SEC16A: variants seen among roughly 807,000 people sequenced by gnomAD.
The protein encoded by SEC16A is SEC16 homolog A, endoplasmic reticulum export factor.
In SEC16A, 110 loss-of-function variants were observed where a neutral mutation model predicts 221.9. The ratio of observed to expected loss-of-function variants is 0.50; its 90% CI spans 0.42 to 0.58. SEC16A has a LOEUF of 0.58. SEC16A is among the 20% of genes least tolerant of loss of function. The pLI is 0.00. For synonymous variants in SEC16A, 1,393 were observed against 1,257.7 expected (o/e 1.11, Z -2.28); for missense variants, 3,165 against 3,097.8 (o/e 1.02, Z -0.52).
chr9:136,454,608 C>T (rs1201946484), intron 20 of SEC16A, among the ~76,000 whole-genome samples: 7 of 152,162 alleles, frequency 4.6e-5, no homozygotes, highest in South Asian at 2.1e-4. Flanking sequence ...AAGCCCATGG[C>T]GGCCGCCTGG....
chr9:136,443,074 G>A (rs1211993681), intron 31 of SEC16A, among the ~76,000 whole-genome samples: 2 of 152,216 alleles, frequency 1.3e-5, no homozygotes, highest in Admixed American at 6.5e-5. Context: ...GATCACGCTC[G>A]GCTCAGAGAC....
intron 3 of SEC16A, among the ~76,000 whole-genome samples, chr9:136,472,326 C>G (rs1840988578): frequency 6.6e-6 from 1 of 152,248 alleles, no homozygotes; most frequent in Non-Finnish European, 1.5e-5. Context: ...ACCACACAGA[C>G]CTCCAAAGCA....
intron 8 of SEC16A, among the ~76,000 whole-genome samples, chr9:136,465,464 A>C (rs10870068): frequency 0.11 from 17,116 of 152,304 alleles, 1,364 homozygotes; most frequent in Admixed American, 0.23. Context: ...AAAACCAAAA[A>C]ACAAACAAAC....
chr9:136,458,508 G>C (rs1839025347), intron 17 of SEC16A, among the ~76,000 whole-genome samples: 2 of 151,912 alleles, frequency 1.3e-5, no homozygotes, highest in Admixed American at 1.3e-4. Flanking sequence ...GGTGCCTGTA[G>C]TCCCAGCTAC....
rs775650449 is a variant in SEC16A, at chr9:136,466,424, C to T, written c.3968G>A (p.Arg1323His). 18 of 1,607,362 alleles carry T rather than the reference C, an allele frequency of 1.1e-5. No individual in the cohort carries two copies. In the East Asian group the frequency reaches 1.8e-4, roughly 16 times the overall value. ...GTCATCGTCAAAACTCCCCGTGAAG[C>T]GAGGATCGTACCTCCAGTTGTTGTC... Reference protein sequence around the residue: ...KRDNNWRYDPRFTGSFDDDPD... With the variant: ...KRDNNWRYDPHFTGSFDDDPD... The change falls in exon 7 of 32, where the codon CGC becomes CAC. Residue 1323 changes from arginine to histidine, a missense_variant. Transcript: ENST00000684901. This position sits in a 1 kb window ranked among gnomAD's most constrained non-coding sequence, Gnocchi z 5.5.
At chr9:136,450,412 C>G (rs898302581) in intron 23 of SEC16A, among the ~76,000 whole-genome samples, 3 of 151,796 alleles carry the variant, frequency 2.0e-5, no homozygotes, top group Non-Finnish European at 2.9e-5. Flanking sequence ...AGCTACGAGG[C>G]AGGAGGATCA....
chr9:136,458,010 G>A (rs1341370251), intron 17 of SEC16A, among the ~76,000 whole-genome samples: 2 of 152,030 alleles, frequency 1.3e-5, no homozygotes, highest in African/African-American at 4.8e-5. Flanking sequence ...AGTCTGGAGT[G>A]CAGTGGCACA....
chr9:136,457,593 A>G lies in SEC16A; in HGVS notation c.5410-9T>C. On this transcript the variant is annotated splice_polypyrimidine_tract_variant and intron_variant, in intron 17 of 31. Coordinates refer to ENST00000684901, the MANE Select transcript of SEC16A (RefSeq NM_014866.2). ...TAGATGAACTTAAACACCTGAAACGACAGAAGCCTTGCTGCCCTGCGGCTC... is the reference window on the plus strand; with the variant it reads ...TAGATGAACTTAAACACCTGAAACGGCAGAAGCCTTGCTGCCCTGCGGCTC... The G allele has an allele frequency of 7.5e-6, 12 of 1,606,138 alleles. No individual in the cohort carries two copies. Among genetic ancestry groups the G allele is most frequent in the Non-Finnish European group, 1.0e-5 (12 of 1,175,230 alleles).
chr9:136,464,438 C>T lies in SEC16A; in HGVS notation c.4428G>A (p.Val1476=), dbSNP rs1839898515. ...NLPSEGQPAL[V]EVHSMEALLQ... Reference sequence around the variant, plus strand: ...CCATTACCTCCATGCTGTGGACCTCCACCAAGGCCGGCTGTCCTTCTGAAG... The same window carrying T: ...CCATTACCTCCATGCTGTGGACCTCTACCAAGGCCGGCTGTCCTTCTGAAG... Residue 1476 remains valine (V), a synonymous_variant, in exon 9 of 32, where the codon GTG becomes GTA. Transcript: ENST00000684901. 1 of 1,611,310 alleles carries T rather than the reference C, an allele frequency of 6.2e-7. No individual in the cohort carries two copies.
chr9:136,470,938 C>A (rs1379503429), intron 4 of SEC16A, among the ~76,000 whole-genome samples: 1 of 152,224 alleles, frequency 6.6e-6, no homozygotes, highest in Non-Finnish European at 1.5e-5. Context: ...CTGGAAGGCG[C>A]AGCCTAGCGC....
In SEC16A at chr9:136,457,351, G is replaced by A. The variant is rs1038748537; in HGVS notation, c.5550+93C>T. 1.8e-5 allele frequency: 25 copies of A among 1,419,572 alleles called. No homozygotes were observed. In the South Asian group the frequency reaches 2.2e-4, roughly 12 times the overall value. 87.9% of individuals were successfully genotyped at this position (1,419,572 alleles called of 1,614,324 possible). ...TGAGCGCCTACCACAATGCGCGTCT[G>A]AACCATCGCTACCCCCATGCCCGGG... is the stretch of plus-strand genomic sequence containing the variant. On this transcript the variant is annotated intron_variant, in intron 18 of 31. Transcript: ENST00000684901.
In SEC16A at chr9:136,441,788, C is replaced by T; in HGVS notation, c.7041G>A (p.Arg2347=). 3 of 1,613,438 alleles carry T rather than the reference C, an allele frequency of 1.9e-6. No individual in the cohort carries two copies. Among genetic ancestry groups the T allele is most frequent in the South Asian group, 2.2e-5 (2 of 91,084 alleles). The change falls in exon 32 of 32, where the codon AGG becomes AGA. Residue 2347 remains arginine (R), a synonymous_variant. Transcript: ENST00000684901. ...GCACCAGGTGCTTCCTCTGGCCAATCCTCCCTAGCCTTGAGCTCCCGGAGG... is the reference window on the plus strand; with the variant it reads ...GCACCAGGTGCTTCCTCTGGCCAATTCTCCCTAGCCTTGAGCTCCCGGAGG... The part of the protein sequence containing the change: ...CATSGSSRLG[R]IGQRKHLVLN
In SEC16A at chr9:136,457,380, T is replaced by C. The variant is rs998836827; in HGVS notation, c.5550+64A>G. 1.3e-5 allele frequency: 20 copies of C among 1,525,934 alleles called. 1 individual carries two copies. Among genetic ancestry groups the C allele is most frequent in the Middle Eastern group, 4.0e-4 (2 of 5,032 alleles). 94.5% of individuals were successfully genotyped at this position (1,525,934 alleles called of 1,614,324 possible). ...CATCGCTACCCCCATGCCCGGGGGC[T>C]CTGGCAAGCCCTCCTTCCCTGCAGT... is the stretch of plus-strand genomic sequence containing the variant. On this transcript the variant is annotated intron_variant, in intron 18 of 31. Transcript: ENST00000684901.
chr9:136,477,348 G>C lies in SEC16A; in HGVS notation c.268C>G (p.Pro90Ala), dbSNP rs1262226671. ...TGTGTGTGAGGAACAAGCAAACCGG[G>C]GTGCTGAGAAAACCCTGCGGGGGCT... ...GPAPAGFSQH[P>A]GLLVPHTHAR... is the part of the protein sequence containing the mutation. The change falls in exon 3 of 32, where the codon CCC (proline) becomes GCC (alanine). Residue 90 changes from proline (P) to alanine (A), a missense_variant. Pro to Ala is a conservative substitution (Grantham distance 27). Coordinates refer to ENST00000684901, the MANE Select transcript of SEC16A (RefSeq NM_014866.2). 1 of 1,613,988 alleles carries C rather than the reference G, an allele frequency of 6.2e-7. No homozygotes were observed. The highest frequency in any genetic ancestry group is 8.5e-7 in the Non-Finnish European group (1 of 1,179,884).
intron 1 of SEC16A, among the ~76,000 whole-genome samples, chr9:136,479,895 G>A (rs1178342241): frequency 2.0e-5 from 3 of 151,854 alleles, no homozygotes; most frequent in South Asian, 2.1e-4. Context: ...CCAACTACTC[G>A]GGAGGCTGAG....
intron 11 of SEC16A, 148 bp downstream of exon 11, chr9:136,463,315 G>T: frequency 8.0e-7 from 1 of 1,244,500 alleles, no homozygotes; most frequent in Non-Finnish European, 1.1e-6. Flanking sequence ...TCCCTACCCA[G>T]CCACTACAGT....
rs1284648849 is a variant in SEC16A, at chr9:136,466,521, T to C, written c.3930-59A>G. Reference sequence around the variant, plus strand: ...GGGAGTGCCGGAGGCCCCGTCCCCATGTGCCACGCAGCTGCCCAGGAGCTG... The same window carrying C: ...GGGAGTGCCGGAGGCCCCGTCCCCACGTGCCACGCAGCTGCCCAGGAGCTG... On this transcript the variant is annotated intron_variant, in intron 6 of 31. Transcript: ENST00000684901. The surrounding 1 kb of genome is among the most constrained non-coding windows in gnomAD (Gnocchi z 5.5). 8.1e-6 allele frequency: 12 copies of C among 1,481,776 alleles called. No homozygotes were observed. In the South Asian group the frequency reaches 1.3e-4, roughly 16 times the overall value. The allele number at this position is 1,481,776 out of a possible 1,614,324, so 91.8% of individuals were successfully genotyped here.
At position 136,474,728 on chromosome 9, in the gene SEC16A, C is replaced by T; in HGVS notation, c.2888G>A (p.Ser963Asn). Residue 963 changes from serine to asparagine, a missense_variant, in exon 3 of 32, where the codon AGT (serine) becomes AAT (asparagine). By Grantham distance (46) the Ser-to-Asn change is conservative (BLOSUM62 1). Transcript: ENST00000684901. ...GTGTGCAGGTGGAACTAACACCACA[C>T]TTGTGCTTCCAGCAGGGCTATTAGC... ...GFANSPAGST[S>N]VVLVPPAHGT... 6.2e-7 allele frequency: 1 copy of T among 1,613,916 alleles called. No homozygotes were observed. The highest frequency in any genetic ancestry group is 8.5e-7 in the Non-Finnish European group (1 of 1,179,904).
In SEC16A at chr9:136,475,774, T is replaced by C; in HGVS notation, c.1842A>G (p.Val614=). The C allele has an allele frequency of 6.3e-7, 1 of 1,598,262 alleles. No homozygotes were observed. Among genetic ancestry groups the C allele is most frequent in the Non-Finnish European group, 8.5e-7 (1 of 1,172,144 alleles). The change falls in exon 3 of 32, where the codon GTA becomes GTG. Residue 614 remains valine (V), a synonymous_variant. Coordinates refer to ENST00000684901, the MANE Select transcript of SEC16A (RefSeq NM_014866.2). This position sits in a 1 kb window ranked among gnomAD's most constrained non-coding sequence, Gnocchi z 5.0. The stretch of plus-strand genomic sequence containing the variant: ...GTTTTACCCCAACTAAGTGAGATTT[T>C]ACCGGTTCGAAAGAACTATTTGCAC... ...QTSANSSFEP[V]KSHLVGVKPF...
Sources: allele counts gnomAD v4.1 joint callset (sites outside exome capture counted in the v4.1 genomes callset), GRCh38; gene constraint gnomAD v4.1.1; non-coding constraint Gnocchi (gnomAD v3.1); transcripts MANE v1.5; gene names NCBI Gene and HGNC (gene_info 2026-07-23, HGNC 2026-07-21).